Variants in CABIN1 observed in about 807,000 individuals in gnomAD.
The protein encoded by CABIN1 is calcineurin binding protein 1.
Under a neutral mutation model 227.7 loss-of-function variants are expected in CABIN1, and 133 were observed. That is an observed-to-expected ratio of 0.58 (90% CI 0.51 to 0.67). CABIN1 has a LOEUF of 0.67. CABIN1 is among the 30% of genes least tolerant of loss of function. The probability of loss-of-function intolerance (pLI) is 0.00; values close to 1 mark genes in which losing one functional copy is unlikely to be tolerated. For missense variants in CABIN1, 2,408 were observed against 2,852.5 expected (o/e 0.84, Z 3.55); for synonymous variants, 1,086 against 1,155.1 (o/e 0.94, Z 1.21).
chr22:24,137,835 T>G (rs2044512611), intron 29 of CABIN1, among the ~76,000 whole-genome samples: 1 of 152,260 alleles, frequency 6.6e-6, no homozygotes, highest in Admixed American at 6.5e-5. Context: ...AGGGCAGCCC[T>G]TGGCTGACTC....
chr22:24,014,607 T>G (rs2035100335), intron 1 of CABIN1, among the ~76,000 whole-genome samples: 1 of 152,198 alleles, frequency 6.6e-6, no homozygotes, highest in Non-Finnish European at 1.5e-5. Context: ...AGAGTGGTTA[T>G]GTTAGTTGTA....
At chr22:24,056,086 G>C in intron 9 of CABIN1, 106 bp from the exon 10 acceptor site, 1 of 988,572 alleles carries the variant, frequency 1.0e-6, no homozygotes, top group Non-Finnish European at 1.6e-6. Flanking sequence ...ATGTCAAAGA[G>C]TTTAATGCTA....
intron 1 of CABIN1, among the ~76,000 whole-genome samples, chr22:24,025,759 C>T (rs977426154): frequency 3.3e-5 from 5 of 152,334 alleles, no homozygotes; most frequent in African/African-American, 9.6e-5. Context: ...ACTGTAGCCT[C>T]GACCTCCCAG....
At chr22:24,019,129 T>G (rs1289617911) in intron 1 of CABIN1, among the ~76,000 whole-genome samples, 15 of 129,812 alleles carry the variant, frequency 1.2e-4, no homozygotes, top group African/African-American at 3.5e-4. Flanking sequence ...TGTTTTTTTT[T>G]TTTTTTTTTT....
At position 24,177,716 on chromosome 22, in the gene CABIN1, G is replaced by C; in HGVS notation, c.6418G>C (p.Ala2140Pro). 6.2e-7 allele frequency: 1 copy of C among 1,612,850 alleles called. No homozygotes were observed. The highest frequency in any genetic ancestry group is 2.2e-5 in the East Asian group (1 of 44,840). The change falls in exon 36 of 37, where the codon GCC becomes CCC. Residue 2140 changes from alanine (A) to proline (P), a missense_variant. Coordinates refer to ENST00000263119, the MANE Select transcript of CABIN1 (RefSeq NM_012295.4). The surrounding 1 kb of genome is among the most constrained non-coding windows in gnomAD (Gnocchi z 4.4). Reference protein sequence around the residue: ...PNMPKLVIPSAATKFPPEITV... With the variant: ...PNMPKLVIPSPATKFPPEITV... ...CATGCCAAAGCTGGTCATCCCCTCC[G>C]CCGCCACCAAGTTCCCCCCTGAGAT...
At chr22:24,162,382 C>G (rs1021589843) in intron 29 of CABIN1, among the ~76,000 whole-genome samples, 2 of 152,174 alleles carry the variant, frequency 1.3e-5, no homozygotes, top group African/African-American at 4.8e-5. Context: ...GGGGCCAATC[C>G]TGGGGGCAGG....
Position 24,083,246 on chromosome 22 carries a change from G to A in CABIN1, c.2767G>A (p.Glu923Lys). 6.2e-7 allele frequency: 1 copy of A among 1,612,540 alleles called. No homozygotes were observed. The highest frequency in any genetic ancestry group is 1.1e-5 in the South Asian group (1 of 91,012). Reference protein sequence around the residue: ...LRFYVRVLQKELAASTSEDTH... With the variant: ...LRFYVRVLQKKLAASTSEDTH... The stretch of plus-strand genomic sequence containing the variant: ...ACCACAGGTGCGAGTACTCCAGAAG[G>A]AACTGGCTGCATCCACCTCTGAAGA... The change falls in exon 20 of 37, where the codon GAA becomes AAA. Residue 923 changes from glutamate to lysine, a missense_variant. By Grantham distance (56) the Glu-to-Lys change is moderately conservative. Coordinates refer to ENST00000263119, the MANE Select transcript of CABIN1 (RefSeq NM_012295.4).
rs140744342 is a variant in CABIN1 at position 24,060,788 on chromosome 22, T to C, written c.1617+647T>C. 2.0e-3 allele frequency among the ~76,000 whole-genome samples: 298 copies of C among 152,122 alleles called. 1 individual carries two copies. The highest frequency in any genetic ancestry group is 6.8e-3 in the African/African-American group (284 of 41,524). ...CACCACACCCGGTTATAGTCCCAGC[T>C]ACTCAGGAGGCTGAGGCAGGAGAAT... is the stretch of plus-strand genomic sequence containing the variant. On this transcript the variant is annotated intron_variant, in intron 12 of 36. Transcript: ENST00000263119.
At chr22:24,172,096 C>T (rs1414867392) in intron 34 of CABIN1, 101 bp downstream of exon 34, 9 of 1,395,876 alleles carry the variant, frequency 6.4e-6, no homozygotes, top group Admixed American at 2.1e-5. Context: ...CAAGCAGTGC[C>T]CTCCCGCCCA....
At chr22:24,135,896 C>A (rs1036889750) in intron 29 of CABIN1, among the ~76,000 whole-genome samples, 2 of 152,194 alleles carry the variant, frequency 1.3e-5, no homozygotes, top group South Asian at 4.1e-4. Context: ...GGATCCATGG[C>A]TCCTCCTCTC....
chr22:24,063,312 AGT>A, intron 14 of CABIN1, among the ~76,000 whole-genome samples, 166 bp downstream of exon 14: 1 of 152,284 alleles, frequency 6.6e-6, no homozygotes, highest in South Asian at 2.1e-4. Context: ...GGCATGAGAA[AGT>A]GTGACACAGT....
At chr22:24,067,308 A>ACTCT in intron 16 of CABIN1, 127 bp downstream of exon 16, 1 of 961,754 alleles carries the variant, frequency 1.0e-6, no homozygotes, top group Non-Finnish European at 1.6e-6. Context: ...TGTCAAAACC[A>ACTCT]CTAAGCCCCC....
intron 24 of CABIN1, 115 bp from the exon 25 acceptor site, chr22:24,095,816 T>C (rs2041858473): frequency 2.8e-6 from 3 of 1,084,646 alleles, no homozygotes; most frequent in South Asian, 2.5e-5. Context: ...AAACAAGCAG[T>C]GTGTGGCAGC....
rs753140170 is a variant in CABIN1 at position 24,113,698 on chromosome 22, C to T, written c.4250C>T (p.Ser1417Phe). The T allele has an allele frequency of 6.8e-6, 11 of 1,613,868 alleles. No individual in the cohort carries two copies. In the African/African-American group the frequency reaches 8.0e-5, roughly 12 times the overall value. ...GAGAAGAGGCTGCCCATTCTCAGTT[C>T]CCAAGCAGGAGCGACGGGTAAAGAT... ...YTEKRLPILS[S>F]QAGATGKDLQ... The change falls in exon 27 of 37, where the codon TCC becomes TTC. Residue 1417 changes from serine (S) to phenylalanine (F), a missense_variant. Transcript: ENST00000263119.
chr22:24,021,694 TTTTTTG>T (rs1177506407), intron 1 of CABIN1, among the ~76,000 whole-genome samples: 5 of 152,196 alleles, frequency 3.3e-5, no homozygotes, highest in East Asian at 3.9e-4. Context: ...TTATTCTTTG[TTTTTTG>T]TTTTTGTTTT....
intron 1 of CABIN1, among the ~76,000 whole-genome samples, chr22:24,032,146 C>A (rs2036544044): frequency 1.3e-5 from 2 of 152,202 alleles, no homozygotes; most frequent in African/African-American, 4.8e-5. Context: ...CAGTAACTCT[C>A]TATTGCCCTC....
Position 24,062,938 on chromosome 22 carries a change from CGTT to C in CABIN1, c.1697-19_1697-17del. The C allele has an allele frequency of 6.2e-7, 1 of 1,612,288 alleles. No homozygotes were observed. Among genetic ancestry groups the C allele is most frequent in the Non-Finnish European group, 8.5e-7 (1 of 1,178,394 alleles). ...TAGAATGCTACACATGAAGTTGACT[CGTT>C]GGCCTGATGGTTTTTAGTGTCTCCT... On this transcript the variant is annotated intron_variant, in intron 13 of 36. Transcript: ENST00000263119.
At position 24,050,938 on chromosome 22, in the gene CABIN1, C is replaced by T. The variant is rs376789330; in HGVS notation, c.770C>T (p.Pro257Leu). The T allele has an allele frequency of 5.0e-6, 8 of 1,614,054 alleles. No individual in the cohort carries two copies. The highest frequency in any genetic ancestry group is 2.2e-5 in the South Asian group (2 of 91,090). ...GCGCTGATTGTGCGGGAGAAGGAGC[C>T]GGACCTGAAACTTGTGCAGCCCATT... ...RQALIVREKE[P>L]DLKLVQPIPF... The change falls in exon 8 of 37, where the codon CCG (proline) becomes CTG (leucine). Residue 257 changes from proline (P) to leucine (L), a missense_variant. By Grantham distance (98) the Pro-to-Leu change is moderately conservative. Around this residue, in one of 3 missense-constraint regions of CABIN1, gnomAD observed 1,045 missense variants for 1,168.4 expected, o/e 0.89. Coordinates refer to ENST00000263119, the MANE Select transcript of CABIN1 (RefSeq NM_012295.4).
Position 24,113,861 on chromosome 22 carries a change from T to C in CABIN1, c.4300+113T>C. On this transcript the variant is annotated intron_variant, in intron 27 of 36. Transcript: ENST00000263119. ...TTGGCTGGGCAAGTCACTTACTCCC[T>C]GGGCCTCCATTTTTCTCCCTGTAGG... The C allele has an allele frequency of 2.7e-6, 3 of 1,122,034 alleles. No individual in the cohort carries two copies. In the South Asian group the frequency reaches 3.8e-5, roughly 14 times the overall value. The allele number at this position is 1,122,034 out of a possible 1,614,324, so 69.5% of individuals were successfully genotyped here. A position where few individuals can be genotyped will look rare whatever the true frequency, so the allele number is the denominator to read the frequency against.
Sources: gnomAD v4.1 joint callset for allele counts (sites outside exome capture counted in the v4.1 genomes callset) on GRCh38, gnomAD v4.1.1 for gene constraint, gnomAD v4.1.1 regional missense constraint, Gnocchi (gnomAD v3.1) non-coding constraint, MANE v1.5 for transcripts, NCBI Gene and HGNC (gene_info 2026-07-23, HGNC 2026-07-21) for gene names.